Variants in DMRT1 observed in about 807,000 individuals in gnomAD.
The protein encoded by DMRT1 is doublesex- and mab-3-related transcription factor 1.
DMRT1 carries 7 observed loss-of-function variants against 32.3 expected under a neutral mutation model. The observed-to-expected ratio is 0.22, with a 90% CI of 0.12 to 0.41. The LOEUF is 0.41. Ranked by LOEUF, DMRT1 falls within the 10% of genes least tolerant of loss-of-function variation. The probability of loss-of-function intolerance (pLI) is 1.00; values close to 1 mark genes in which losing one functional copy is unlikely to be tolerated. For synonymous variants in DMRT1, 278 were observed against 206.1 expected (o/e 1.35, Z -2.99); for missense variants, 625 against 500.5 (o/e 1.25, Z -2.37).
chr9:875,374 A>G (rs1034612395), intron 2 of DMRT1, among the ~76,000 whole-genome samples: 1 of 152,102 alleles, frequency 6.6e-6, no homozygotes, highest in South Asian at 2.1e-4. Flanking sequence ...CGACAGCTTT[A>G]GAGTCTTTGT....
chr9:886,874 T>C (rs1273344135), intron 2 of DMRT1, among the ~76,000 whole-genome samples: 1 of 152,182 alleles, frequency 6.6e-6, no homozygotes, highest in African/African-American at 2.4e-5. Context: ...GCTGGACAGA[T>C]GGTAGGTATA....
At chr9:861,471 A>C (rs1376976378) in intron 2 of DMRT1, among the ~76,000 whole-genome samples, 1 of 150,044 alleles carries the variant, frequency 6.7e-6, no homozygotes, top group East Asian at 1.9e-4. Flanking sequence ...GCTTCTTTCT[A>C]CACAGACACA....
At chr9:960,463 G>C (rs1231316081) in intron 4 of DMRT1, among the ~76,000 whole-genome samples, 2 of 152,222 alleles carry the variant, frequency 1.3e-5, no homozygotes, top group Non-Finnish European at 2.9e-5. Flanking sequence ...AGAGGGGACA[G>C]AAAATAATGA....
intron 3 of DMRT1, among the ~76,000 whole-genome samples, chr9:913,726 C>G (rs147059771): frequency 2.0e-5 from 3 of 151,872 alleles, no homozygotes; most frequent in African/African-American, 7.2e-5. Context: ...GAAAACGTCT[C>G]TACTAAAAAT....
intron 2 of DMRT1, among the ~76,000 whole-genome samples, chr9:888,846 G>T (rs911870879): frequency 6.6e-6 from 1 of 152,034 alleles, no homozygotes; most frequent in Admixed American, 6.6e-5. Context: ...AATCTCCTGG[G>T]CTGGATGCAG....
intron 2 of DMRT1, among the ~76,000 whole-genome samples, chr9:872,800 T>G (rs1269753572): frequency 1.3e-5 from 2 of 152,226 alleles, no homozygotes; most frequent in African/African-American, 4.8e-5. Flanking sequence ...AAAGCGGACT[T>G]GGTGGTTCAT....
At chr9:884,700 G>A (rs143329245) in intron 2 of DMRT1, among the ~76,000 whole-genome samples, 2,872 of 152,280 alleles carry the variant, frequency 0.019, 42 homozygotes, top group Non-Finnish European at 0.026. Flanking sequence ...GCCAGGTGCG[G>A]TGGCTCACGC....
intron 2 of DMRT1, among the ~76,000 whole-genome samples, chr9:872,157 G>T (rs1445144392): frequency 1.3e-5 from 2 of 151,154 alleles, no homozygotes; most frequent in African/African-American, 2.5e-5. Context: ...TGCCTCCCAG[G>T]TTCAAGGGAT....
chr9:892,869 CTA>C (rs1288344337), intron 2 of DMRT1, among the ~76,000 whole-genome samples: 3 of 152,182 alleles, frequency 2.0e-5, no homozygotes, highest in Non-Finnish European at 2.9e-5. Context: ...ATTCCAAACT[CTA>C]CCCCCACTTT....
chr9:933,150 T>C (rs1430040408), intron 4 of DMRT1, among the ~76,000 whole-genome samples: 1 of 152,064 alleles, frequency 6.6e-6, no homozygotes, highest in African/African-American at 2.4e-5. Flanking sequence ...TGACCTCAGG[T>C]GATCAATCCA....
At chr9:902,199 C>T (rs369566571) in intron 3 of DMRT1, among the ~76,000 whole-genome samples, 29 of 151,526 alleles carry the variant, frequency 1.9e-4, no homozygotes, top group Non-Finnish European at 3.4e-4. Flanking sequence ...CGTGAGCCAC[C>T]GCGCCAGCCA....
intron 2 of DMRT1, among the ~76,000 whole-genome samples, chr9:882,760 C>CTTTTTTTTT (rs1010078425): frequency 1.7e-5 from 2 of 118,348 alleles, no homozygotes; most frequent in African/African-American, 3.5e-5. Flanking sequence ...TCCCCTGAAT[C>CTTTTTTTTT]TTTTTTTTTT....
intron 4 of DMRT1, among the ~76,000 whole-genome samples, chr9:949,609 A>G (rs1323290186): frequency 6.6e-6 from 1 of 152,190 alleles, no homozygotes; most frequent in African/African-American, 2.4e-5. Context: ...CCTCTTAGCA[A>G]GTTTTTAAGC....
intron 4 of DMRT1, among the ~76,000 whole-genome samples, chr9:922,232 G>A (rs1818377782): frequency 6.6e-6 from 1 of 152,038 alleles, no homozygotes; most frequent in Non-Finnish European, 1.5e-5. Flanking sequence ...TTTTGCCAAA[G>A]TACCAGACCA....
chr9:847,238 A>G, intron 2 of DMRT1, 95 bp downstream of exon 2: 2 of 1,311,108 alleles, frequency 1.5e-6, no homozygotes, highest in Non-Finnish European at 2.1e-6. Flanking sequence ...AGCTACATAC[A>G]GTGTTTAGAG....
intron 3 of DMRT1, among the ~76,000 whole-genome samples, chr9:902,914 C>G (rs755996804): frequency 1.3e-5 from 2 of 152,070 alleles, no homozygotes; most frequent in Non-Finnish European, 2.9e-5. Context: ...AATGATTGGG[C>G]CTACTAGGTC....
intron 4 of DMRT1, among the ~76,000 whole-genome samples, chr9:936,657 G>A (rs111884499): frequency 0.08 from 12,097 of 151,374 alleles, 664 homozygotes; most frequent in African/African-American, 0.17. Context: ...GGAGGCTGAG[G>A]CAATGAGAAT....
chr9:909,476 T>C (rs1372294832), intron 3 of DMRT1, among the ~76,000 whole-genome samples: 1 of 151,984 alleles, frequency 6.6e-6, no homozygotes, highest in Non-Finnish European at 1.5e-5. Flanking sequence ...GGAACAGGCA[T>C]CCCATTTAGA....
chr9:906,985 T>A (rs554583837), intron 3 of DMRT1, among the ~76,000 whole-genome samples: 1 of 152,288 alleles, frequency 6.6e-6, no homozygotes, highest in South Asian at 2.1e-4. Flanking sequence ...AGATAACAAG[T>A]CTCTATATTA....
Sources: allele counts gnomAD v4.1 joint callset (sites outside exome capture counted in the v4.1 genomes callset), GRCh38; gene constraint gnomAD v4.1.1; transcripts MANE v1.5; gene names NCBI Gene and HGNC (gene_info 2026-07-23, HGNC 2026-07-21).